The following GRM7 variants were observed in gnomAD, a reference collection of about 807,000 sequenced individuals.
The protein encoded by GRM7 is metabotropic glutamate receptor 7.
In GRM7, 35 loss-of-function variants were observed where a neutral mutation model predicts 84.5. That is an observed-to-expected ratio of 0.41 (90% CI 0.32 to 0.55). The LOEUF (loss-of-function observed/expected upper bound fraction) is 0.55. Ranked by LOEUF, GRM7 falls within the 20% of genes least tolerant of loss-of-function variation. GRM7 has a pLI of 0.19. For synonymous variants in GRM7, 487 were observed against 455.1 expected (o/e 1.07, Z -0.89); for missense variants, 1,003 against 1,194.6 (o/e 0.84, Z 2.36).
chr3:7,618,053 C>T (rs890147908), intron 8 of GRM7, among the ~76,000 whole-genome samples: 5 of 152,082 alleles, frequency 3.3e-5, no homozygotes, highest in African/African-American at 1.2e-4. Flanking sequence ...ACCTATAGCA[C>T]AGAATTATTG....
At chr3:7,007,424 T>C (rs1695220671) in intron 1 of GRM7, among the ~76,000 whole-genome samples, 2 of 152,190 alleles carry the variant, frequency 1.3e-5, no homozygotes, top group Admixed American at 6.5e-5. Flanking sequence ...TCCCCAAAAA[T>C]AGAAATAATA....
At chr3:7,187,200 AACAC>A (rs5846494) in intron 2 of GRM7, among the ~76,000 whole-genome samples, 12,630 of 150,552 alleles carry the variant, frequency 0.084, 1,514 homozygotes, top group African/African-American at 0.27. Flanking sequence ...AGGAAGTGAG[AACAC>A]ACACACACAC....
chr3:6,986,947 G>T (rs1248190095), intron 1 of GRM7, among the ~76,000 whole-genome samples: 2 of 152,156 alleles, frequency 1.3e-5, no homozygotes, highest in Admixed American at 6.5e-5. Flanking sequence ...AATGAATGAA[G>T]GAAGGAAGGA....
intron 7 of GRM7, among the ~76,000 whole-genome samples, chr3:7,499,073 T>A (rs1431861966): frequency 6.6e-6 from 1 of 152,170 alleles, no homozygotes; most frequent in African/African-American, 2.4e-5. Flanking sequence ...TGCAATCACT[T>A]GGTGGCTGGG....
intron 7 of GRM7, among the ~76,000 whole-genome samples, chr3:7,572,012 G>A (rs1205787943): frequency 1.3e-5 from 2 of 152,104 alleles, no homozygotes; most frequent in Non-Finnish European, 2.9e-5. Context: ...TGAGAACAGT[G>A]CAGGAAAGCC....
In GRM7 at chr3:6,914,413, T is replaced by G. The variant is rs181391824; in HGVS notation, c.519+52506T>G. ...AGCTTTCATGATAGCTATTTAGGTG[T>G]TTTTTTTTGAGACCGAGTCTTGCTT... On this transcript the variant is annotated intron_variant, in intron 1 of 9. Coordinates refer to ENST00000357716, the MANE Select transcript of GRM7 (RefSeq NM_000844.4). Among the ~76,000 whole-genome samples, 911 of 151,262 alleles carry G rather than the reference T, an allele frequency of 6.0e-3. 14 individuals are homozygous for G. The highest frequency in any genetic ancestry group is 0.02 in the African/African-American group (831 of 41,284).
At chr3:6,937,304 C>T (rs1420027757) in intron 1 of GRM7, among the ~76,000 whole-genome samples, 2 of 152,106 alleles carry the variant, frequency 1.3e-5, no homozygotes, top group Non-Finnish European at 2.9e-5. Context: ...GAAATGATTT[C>T]GTGTATCTTG....
At chr3:7,499,135 C>T (rs369769048) in intron 7 of GRM7, among the ~76,000 whole-genome samples, 19 of 152,076 alleles carry the variant, frequency 1.2e-4, no homozygotes, top group African/African-American at 2.7e-4. Flanking sequence ...ATGGGAAGAA[C>T]GGGGATGCCT....
chr3:6,952,499 C>T lies in GRM7; in HGVS notation c.519+90592C>T, dbSNP rs569991150. ...TTAATTCTGGCTGCAGTAATCTCTC[C>T]AGTTGCCTCTGTGACTCTTCAACTG... On this transcript the variant is annotated intron_variant, in intron 1 of 9. Transcript: ENST00000357716. Among the ~76,000 whole-genome samples, 29 of 152,258 alleles carry T rather than the reference C, an allele frequency of 1.9e-4. No homozygotes were observed. The South Asian group carries it at 5.6e-3, about 29-fold the overall frequency.
intron 4 of GRM7, among the ~76,000 whole-genome samples, chr3:7,380,651 C>G (rs1328951366): frequency 2.0e-5 from 3 of 152,168 alleles, no homozygotes; most frequent in African/African-American, 7.2e-5. Context: ...GCTCCAGGCC[C>G]TCCTAGCCTA....
chr3:6,964,414 G>A (rs1259355706), intron 1 of GRM7, among the ~76,000 whole-genome samples: 1 of 152,108 alleles, frequency 6.6e-6, no homozygotes, highest in Non-Finnish European at 1.5e-5. Flanking sequence ...CCATTCATGA[G>A]GATTACGCAT....
At chr3:7,105,419 A>G (rs1699256323) in intron 1 of GRM7, among the ~76,000 whole-genome samples, 1 of 151,896 alleles carries the variant, frequency 6.6e-6, no homozygotes, top group Non-Finnish European at 1.5e-5. Flanking sequence ...AAGTTCTTTA[A>G]GTCTCTCCTA....
At chr3:7,531,816 C>T (rs1019250500) in intron 7 of GRM7, among the ~76,000 whole-genome samples, 5 of 152,028 alleles carry the variant, frequency 3.3e-5, no homozygotes, top group African/African-American at 1.2e-4. Context: ...ACCTGATTGC[C>T]CTGGGCAGAA....
chr3:7,699,526 G>A (rs1419763355), intron 9 of GRM7, among the ~76,000 whole-genome samples: 4 of 152,128 alleles, frequency 2.6e-5, no homozygotes, highest in Non-Finnish European at 5.9e-5. Flanking sequence ...TGTATGGTTC[G>A]AATGGATCTA....
At chr3:7,173,831 T>C (rs538252838) in intron 2 of GRM7, among the ~76,000 whole-genome samples, 76 of 152,352 alleles carry the variant, frequency 5.0e-4, no homozygotes, top group Non-Finnish European at 9.8e-4. Context: ...TTTAATAGCT[T>C]ATTTTAACAG....
chr3:7,693,668 G>C (rs1348247458), intron 9 of GRM7: 3 of 1,529,962 alleles, frequency 2.0e-6, no homozygotes, highest in South Asian at 2.4e-5. Context: ...ATCTGCACTG[G>C]CATCTAGTCA....
intron 1 of GRM7, among the ~76,000 whole-genome samples, chr3:7,098,267 A>C (rs887878104): frequency 6.6e-6 from 1 of 152,034 alleles, no homozygotes; most frequent in African/African-American, 2.4e-5. Context: ...AATCCAATAC[A>C]CAGTTATTTG....
chr3:7,510,228 C>A (rs1422022930), intron 7 of GRM7, among the ~76,000 whole-genome samples: 1 of 152,108 alleles, frequency 6.6e-6, no homozygotes, highest in African/African-American at 2.4e-5. Context: ...CCATCTTGGA[C>A]TTTGTCACTT....
At chr3:7,428,980 T>C (rs1437361765) in intron 5 of GRM7, among the ~76,000 whole-genome samples, 3 of 152,210 alleles carry the variant, frequency 2.0e-5, no homozygotes, top group African/African-American at 7.2e-5. Flanking sequence ...TAGCTCTTGC[T>C]TCTTCTTTTT....
Sources: gnomAD v4.1 joint callset for allele counts (sites outside exome capture counted in the v4.1 genomes callset) on GRCh38, gnomAD v4.1.1 for gene constraint, MANE v1.5 for transcripts, NCBI Gene and HGNC (gene_info 2026-07-23, HGNC 2026-07-21) for gene names.